DNAH6: variants seen among roughly 807,000 people sequenced by gnomAD.
The protein encoded by DNAH6 is axonemal beta dynein heavy chain 6.
Under a neutral mutation model 491.4 loss-of-function variants are expected in DNAH6, and 340 were observed. The observed-to-expected ratio is 0.69, with a 90% CI of 0.63 to 0.76. The LOEUF is 0.76. Among genes scored for constraint, DNAH6 ranks in the 30% least tolerant of loss-of-function variants. DNAH6 has a pLI of 0.00. For synonymous variants in DNAH6, 1,603 were observed against 1,686.1 expected (o/e 0.95, Z 1.21); for missense variants, 4,443 against 4,972.2 (o/e 0.89, Z 3.20).
In DNAH6 at chr2:84,718,402, A is replaced by G. The variant is rs922158848; in HGVS notation, c.9792+18A>G. On this transcript the variant is annotated intron_variant, in intron 59 of 76. Coordinates refer to ENST00000389394, the MANE Select transcript of DNAH6 (RefSeq NM_001370.2). ...ATTCAAAGGCAAGTAAAATATTTTTAGTACTTATGGAAAGTATGTTACTTC... is the reference window on the plus strand; with the variant it reads ...ATTCAAAGGCAAGTAAAATATTTTTGGTACTTATGGAAAGTATGTTACTTC... 42 of 1,509,222 alleles carry G rather than the reference A, an allele frequency of 2.8e-5. No homozygotes were observed. The highest frequency in any genetic ancestry group is 3.5e-5 in the Non-Finnish European group (39 of 1,128,940). 93.5% of individuals were successfully genotyped at this position (1,509,222 alleles called of 1,614,324 possible).
At chr2:84,551,233 C>T (rs552913650) in intron 9 of DNAH6, among the ~76,000 whole-genome samples, 2 of 152,248 alleles carry the variant, frequency 1.3e-5, no homozygotes, top group Admixed American at 1.3e-4. Context: ...TTTCTCTTCT[C>T]CCCTATTCTG....
At chr2:84,791,892 G>T (rs964522011) in intron 68 of DNAH6, among the ~76,000 whole-genome samples, 1 of 151,562 alleles carries the variant, frequency 6.6e-6, no homozygotes, top group Non-Finnish European at 1.5e-5. Flanking sequence ...ATAAATGCTG[G>T]ATATCAAAGA....
chr2:84,801,476 A>G (rs969549255), intron 70 of DNAH6, among the ~76,000 whole-genome samples: 2 of 152,158 alleles, frequency 1.3e-5, no homozygotes, highest in Non-Finnish European at 2.9e-5. Context: ...AAGGCATTAG[A>G]GAAAAGGGCT....
In DNAH6 at chr2:84,816,074, T is replaced by G; in HGVS notation, c.12364T>G (p.Ser4122Ala). 6.5e-7 allele frequency: 1 copy of G among 1,549,976 alleles called. No homozygotes were observed. Among genetic ancestry groups the G allele is most frequent in the Non-Finnish European group, 8.7e-7 (1 of 1,145,680 alleles). ...YKTGARAGTL[S>A]TTGHSTNFVV... ...AACAGGAGCCCGGGCAGGAACACTCTCAACCACAGGTGAGGATGTTCTTAA... is the reference window on the plus strand; with the variant it reads ...AACAGGAGCCCGGGCAGGAACACTCGCAACCACAGGTGAGGATGTTCTTAA... The change falls in exon 76 of 77, where the codon TCA (serine) becomes GCA (alanine). Residue 4122 changes from serine to alanine, a missense_variant. Ser to Ala is a moderately conservative substitution (Grantham distance 99). This residue lies in a region of DNAH6 where 1,463 missense variants were observed against 1,656.6 expected (regional missense o/e 0.88). Transcript: ENST00000389394.
chr2:84,671,747 A>G (rs910013885), intron 39 of DNAH6, among the ~76,000 whole-genome samples: 13 of 152,116 alleles, frequency 8.5e-5, no homozygotes, highest in Non-Finnish European at 1.2e-4. Context: ...CCACAAGGAC[A>G]TGGCTATTTG....
rs1690762396 is a variant in DNAH6 at position 84,654,514 on chromosome 2, T to C, written c.5635-146T>C. Reference sequence around the variant, plus strand: ...TTCTTCCTCCATTTCTAATTACTTATTGCTCTCCCACTCTCTTCCACATGA... The same window carrying C: ...TTCTTCCTCCATTTCTAATTACTTACTGCTCTCCCACTCTCTTCCACATGA... On this transcript the variant is annotated intron_variant, in intron 34 of 76. Transcript: ENST00000389394. The C allele has an allele frequency of 3.4e-5, 35 of 1,034,036 alleles. 2 individuals carry two copies. The South Asian group carries it at 5.0e-4, about 15-fold the overall frequency. 64.1% of individuals were successfully genotyped at this position (1,034,036 alleles called of 1,614,324 possible).
intron 18 of DNAH6, among the ~76,000 whole-genome samples, chr2:84,598,230 G>A (rs553220027): frequency 7.7e-6 from 1 of 130,536 alleles, no homozygotes; most frequent in South Asian, 2.4e-4. Flanking sequence ...ATCTCACTGT[G>A]TTGCTCAGGC....
intron 63 of DNAH6, among the ~76,000 whole-genome samples, chr2:84,748,947 C>T (rs578167711): frequency 1.3e-5 from 2 of 152,288 alleles, no homozygotes; most frequent in South Asian, 4.1e-4. Flanking sequence ...GGGGAGCAAA[C>T]ATGTCACACG....
At chr2:84,586,733 C>T (rs1445832098) in intron 15 of DNAH6, among the ~76,000 whole-genome samples, 1 of 152,166 alleles carries the variant, frequency 6.6e-6, no homozygotes, top group Non-Finnish European at 1.5e-5. Flanking sequence ...GGTTAAGTAA[C>T]TTGCCAAGGG....
chr2:84,725,689 C>G (rs528799498), intron 60 of DNAH6, among the ~76,000 whole-genome samples: 2 of 152,258 alleles, frequency 1.3e-5, no homozygotes, highest in South Asian at 4.2e-4. Context: ...CATGAAAGCT[C>G]TGGAGTTTTA....
At chr2:84,695,480 G>A (rs951558282) in intron 46 of DNAH6, among the ~76,000 whole-genome samples, 6 of 151,980 alleles carry the variant, frequency 3.9e-5, no homozygotes, top group African/African-American at 7.2e-5. Context: ...TTTCTTTTAC[G>A]TTATACTCAA....
At chr2:84,799,742 G>A (rs1352403530) in intron 70 of DNAH6, among the ~76,000 whole-genome samples, 2 of 152,196 alleles carry the variant, frequency 1.3e-5, no homozygotes, top group Non-Finnish European at 2.9e-5. Context: ...CTCCACCAAA[G>A]CCCCACTTGG....
intron 11 of DNAH6, among the ~76,000 whole-genome samples, chr2:84,565,149 T>A (rs1681054007): frequency 6.6e-6 from 1 of 152,120 alleles, no homozygotes; most frequent in Non-Finnish European, 1.5e-5. Context: ...GCCTGAAGTT[T>A]TCTTTTTTCA....
At chr2:84,607,990 T>G (rs372949164) in intron 21 of DNAH6, among the ~76,000 whole-genome samples, 1 of 152,338 alleles carries the variant, frequency 6.6e-6, no homozygotes, top group African/African-American at 2.4e-5. Flanking sequence ...TTATCAACTA[T>G]GTTTATGTAA....
chr2:84,488,710 C>G, the DNAH6 span, among the ~76,000 whole-genome samples: 1 of 152,186 alleles, frequency 6.6e-6, no homozygotes, highest in East Asian at 1.9e-4. Context: ...ATTTCAAGAT[C>G]CTTACTTTAA....
At chr2:84,478,830 A>G in the DNAH6 span, among the ~76,000 whole-genome samples, 1 of 152,180 alleles carries the variant, frequency 6.6e-6, no homozygotes, top group Non-Finnish European at 1.5e-5. Flanking sequence ...TCCAGGAGGA[A>G]GGAGGTCACA....
chr2:84,566,045 A>G (rs1200565012), intron 11 of DNAH6, among the ~76,000 whole-genome samples: 1 of 151,960 alleles, frequency 6.6e-6, no homozygotes, highest in Non-Finnish European at 1.5e-5. Flanking sequence ...CTTTTTATCC[A>G]GCTATCCTCT....
intron 63 of DNAH6, among the ~76,000 whole-genome samples, 154 bp from the exon 64 acceptor site, chr2:84,762,601 C>T (rs547529898): frequency 6.6e-6 from 1 of 152,142 alleles, no homozygotes; most frequent in Admixed American, 6.6e-5. Flanking sequence ...AACAAATCCA[C>T]CAAACAATAT....
At position 84,602,276 on chromosome 2, in the gene DNAH6, G is replaced by A. The variant is rs950647892; in HGVS notation, c.2869-2063G>A. Among the ~76,000 whole-genome samples, 14 of 151,846 alleles carry A rather than the reference G, an allele frequency of 9.2e-5. No homozygotes were observed. The South Asian group carries it at 1.9e-3, about 20-fold the overall frequency. ...TTTCTTATAGAGTATGTATGCTAAC[G>A]ATTAATTTCCTCGGTTTTTATTTTG... On this transcript the variant is annotated intron_variant, in intron 18 of 76. Transcript: ENST00000389394.
Sources: gnomAD v4.1 joint callset for allele counts (sites outside exome capture counted in the v4.1 genomes callset) on GRCh38, gnomAD v4.1.1 for gene constraint, gnomAD v4.1.1 regional missense constraint, MANE v1.5 for transcripts, NCBI Gene and HGNC (gene_info 2026-07-23, HGNC 2026-07-21) for gene names.